CCDC178: variants seen among roughly 807,000 people sequenced by gnomAD.
The protein encoded by CCDC178 is coiled-coil domain containing 178.
A neutral mutation model predicts 117.4 loss-of-function variants in CCDC178; 126 were observed. That is an observed-to-expected ratio of 1.07 (90% confidence interval 0.93 to 1.24). CCDC178 has a LOEUF of 1.24. CCDC178 is among the 50% of genes most tolerant of loss of function. The pLI is 0.00. For synonymous variants in CCDC178, 283 were observed against 313.4 expected (o/e 0.90, Z 1.02); for missense variants, 1,030 against 986.9 (o/e 1.04, Z -0.59).
At chr18:33,297,241 C>T (rs761244465) in intron 11 of CCDC178, among the ~76,000 whole-genome samples, 1 of 151,576 alleles carries the variant, frequency 6.6e-6, no homozygotes, top group African/African-American at 2.4e-5. Flanking sequence ...AAAACTAGAG[C>T]GATTTAAAAT....
intron 11 of CCDC178, among the ~76,000 whole-genome samples, chr18:33,295,802 A>C (rs1165258604): frequency 6.6e-6 from 1 of 152,160 alleles, no homozygotes; most frequent in Non-Finnish European, 1.5e-5. Flanking sequence ...TCTTGTAGAG[A>C]AACTGGATCT....
chr18:33,265,413 G>T (rs1269570813), intron 14 of CCDC178, among the ~76,000 whole-genome samples: 1 of 152,024 alleles, frequency 6.6e-6, no homozygotes, highest in Non-Finnish European at 1.5e-5. Context: ...AAAAAGAGAG[G>T]CATGTGTATC....
intron 4 of CCDC178, among the ~76,000 whole-genome samples, chr18:33,391,294 A>G (rs188667266): frequency 1.3e-5 from 2 of 152,088 alleles, no homozygotes; most frequent in Admixed American, 1.3e-4. Context: ...TGCGTGCAAT[A>G]AAACAGCATA....
intron 15 of CCDC178, among the ~76,000 whole-genome samples, chr18:33,230,874 C>T (rs1224932250): frequency 1.3e-5 from 2 of 152,172 alleles, no homozygotes; most frequent in Non-Finnish European, 2.9e-5. Context: ...AGAAACGTGG[C>T]CTGTGGCCCA....
chr18:33,341,486 T>C (rs1022078124), intron 9 of CCDC178, among the ~76,000 whole-genome samples: 6 of 152,136 alleles, frequency 3.9e-5, no homozygotes, highest in African/African-American at 1.2e-4. Context: ...GCCAGTAGAA[T>C]GATATAGTTT....
rs1226493306 is a variant in CCDC178, at chr18:33,079,416, A to G, written c.2388+13345T>C. On this transcript the variant is annotated intron_variant, in intron 21 of 22. Coordinates refer to ENST00000383096, the MANE Select transcript of CCDC178 (RefSeq NM_001105528.4). Reference sequence around the variant, plus strand: ...CAAAAACAATCATAACAAAACCAAAAGTTGACAAATGGGATCTAATTAAAC... The same window carrying G: ...CAAAAACAATCATAACAAAACCAAAGGTTGACAAATGGGATCTAATTAAAC... Among the ~76,000 whole-genome samples, 3 of 152,236 alleles carry G rather than the reference A, an allele frequency of 2.0e-5. No homozygotes were observed. In the East Asian group the frequency reaches 5.8e-4, roughly 29 times the overall value.
chr18:33,362,225 A>G (rs2063140626), intron 6 of CCDC178, among the ~76,000 whole-genome samples: 1 of 150,908 alleles, frequency 6.6e-6, no homozygotes, highest in Non-Finnish European at 1.5e-5. Context: ...CAGCCTTATA[A>G]AAAATGGAGA....
chr18:33,295,793 C>A (rs1216210692), intron 11 of CCDC178, among the ~76,000 whole-genome samples: 1 of 152,184 alleles, frequency 6.6e-6, no homozygotes, highest in East Asian at 1.9e-4. Flanking sequence ...ATAGTGTTCT[C>A]TTGTAGAGAA....
intron 20 of CCDC178, among the ~76,000 whole-genome samples, chr18:33,150,512 C>T (rs373309995): frequency 2.6e-5 from 4 of 152,118 alleles, no homozygotes; most frequent in Admixed American, 6.5e-5. Context: ...CCGGCATCTA[C>T]GAGGAACACA....
At chr18:32,958,277 A>C in intron 22 of CCDC178, 1 of 447,238 alleles carries the variant, frequency 2.2e-6, no homozygotes, top group East Asian at 3.6e-5. Context: ...TTTGTGGCAA[A>C]AAATGCTCTT....
At chr18:32,954,045 T>C (rs1460982032) in intron 22 of CCDC178, 1 of 152,122 alleles carries the variant, frequency 6.6e-6, no homozygotes, top group Non-Finnish European at 1.5e-5. Flanking sequence ...CTTTAAACAA[T>C]ACGGTGTCCC....
At chr18:32,946,662 T>TATA (rs1339214451) in intron 22 of CCDC178, among the ~76,000 whole-genome samples, 1 of 151,772 alleles carries the variant, frequency 6.6e-6, no homozygotes, top group Non-Finnish European at 1.5e-5. Context: ...TGAATTGAAT[T>TATA]ATAATAATTA....
intron 21 of CCDC178, among the ~76,000 whole-genome samples, chr18:33,049,049 A>G (rs1370074368): frequency 6.6e-6 from 1 of 152,106 alleles, no homozygotes; most frequent in Non-Finnish European, 1.5e-5. Flanking sequence ...GCAAATGATT[A>G]AGTATACCTT....
At chr18:33,322,661 T>C (rs143486343) in intron 11 of CCDC178, among the ~76,000 whole-genome samples, 1 of 151,790 alleles carries the variant, frequency 6.6e-6, no homozygotes, top group Non-Finnish European at 1.5e-5. Flanking sequence ...TTAGAAAATA[T>C]ATCCAATTGA....
At chr18:33,203,825 C>T (rs916739020) in intron 20 of CCDC178, among the ~76,000 whole-genome samples, 13 of 152,224 alleles carry the variant, frequency 8.5e-5, no homozygotes, top group African/African-American at 2.9e-4. Flanking sequence ...GTTTCTTGAA[C>T]ATATAGGCAT....
At chr18:33,433,052 C>A (rs2064242804) in intron 2 of CCDC178, among the ~76,000 whole-genome samples, 1 of 152,170 alleles carries the variant, frequency 6.6e-6, no homozygotes, top group Non-Finnish European at 1.5e-5. Context: ...TCTGTTTATT[C>A]TTCTAAAGCA....
chr18:33,214,571 A>G (rs1337968714), intron 19 of CCDC178, among the ~76,000 whole-genome samples: 1 of 152,042 alleles, frequency 6.6e-6, no homozygotes, highest in Non-Finnish European at 1.5e-5. Context: ...ATTTATATTT[A>G]TATCTTTGAG....
chr18:33,317,147 T>G (rs547033796), intron 11 of CCDC178, among the ~76,000 whole-genome samples: 1 of 152,094 alleles, frequency 6.6e-6, no homozygotes, highest in East Asian at 1.9e-4. Flanking sequence ...TTTCGCTCTT[T>G]GCAACAAATC....
In CCDC178 at chr18:33,411,448, C is replaced by A. The variant is rs552744115; in HGVS notation, c.58+583G>T. Among the ~76,000 whole-genome samples, 43 of 151,996 alleles carry A rather than the reference C, an allele frequency of 2.8e-4. No individual in the cohort carries two copies. The South Asian group carries it at 8.1e-3, about 29-fold the overall frequency. The stretch of plus-strand genomic sequence containing the variant: ...TAAAAGGCTGCTGGCCAGATTTGGG[C>A]AATGGGCTATAATTTACTGACCTCT... On this transcript the variant is annotated intron_variant, in intron 3 of 22. Transcript: ENST00000383096.
Sources: allele counts gnomAD v4.1 joint callset (sites outside exome capture counted in the v4.1 genomes callset), GRCh38; gene constraint gnomAD v4.1.1; transcripts MANE v1.5; gene names NCBI Gene and HGNC (gene_info 2026-07-23, HGNC 2026-07-21).